Variants in ZNF827 observed in about 807,000 individuals in gnomAD.
The protein encoded by ZNF827 is zinc finger protein 827.
Under a neutral mutation model 102.4 loss-of-function variants are expected in ZNF827, and 13 were observed. The ratio of observed to expected loss-of-function variants is 0.13; its 90% confidence interval spans 0.08 to 0.20. ZNF827 has a LOEUF of 0.20. Among genes scored for constraint, ZNF827 ranks in the 10% least tolerant of loss-of-function variants. The pLI, the probability that ZNF827 is intolerant of heterozygous loss-of-function variation, is 1.00. For synonymous variants in ZNF827, 523 were observed against 536.2 expected, an observed-to-expected ratio of 0.98 and a Z score of 0.34; for missense variants, 1,103 against 1,344.4, an observed-to-expected ratio of 0.82 and a Z score of 2.81.
rs756223140 is a variant in ZNF827, at chr4:145,852,053, T to C, written c.1982-2492A>G. 2.6e-5 allele frequency among the ~76,000 whole-genome samples: 4 copies of C among 152,160 alleles called. No individual in the cohort carries two copies. In the East Asian group the frequency reaches 7.7e-4, roughly 29 times the overall value. The stretch of plus-strand genomic sequence containing the variant: ...TTTGGAAAATAAACAGTGGGGTCAG[T>C]GTCATAGGTACATAATGATGCGTCT... On this transcript the variant is annotated intron_variant, in intron 5 of 14. Transcript: ENST00000508784.
chr4:145,797,107 T>C (rs943223970), intron 8 of ZNF827, among the ~76,000 whole-genome samples: 7 of 152,220 alleles, frequency 4.6e-5, no homozygotes, highest in Non-Finnish European at 1.0e-4. Context: ...GTTAAGGTTT[T>C]ACAAAGAATT....
At chr4:145,819,872 A>G (rs1026845677) in intron 8 of ZNF827, 2 of 152,244 alleles carry the variant, frequency 1.3e-5, no homozygotes, top group Non-Finnish European at 2.9e-5. Flanking sequence ...AGTTCTCAGG[A>G]AAGTCAGTCT....
At chr4:145,873,113 T>G (rs951477697) in intron 4 of ZNF827, among the ~76,000 whole-genome samples, 1 of 151,610 alleles carries the variant, frequency 6.6e-6, no homozygotes, top group African/African-American at 2.4e-5. Context: ...GTTTTTGTAT[T>G]TTTAGTAGAG....
chr4:145,846,427 G>A (rs375128435), intron 6 of ZNF827, among the ~76,000 whole-genome samples: 5,298 of 151,140 alleles, frequency 0.035, 231 homozygotes, highest in East Asian at 0.15. Context: ...GCAGCGAGCC[G>A]AGATCGCGCC....
intron 7 of ZNF827, among the ~76,000 whole-genome samples, chr4:145,842,671 A>C (rs1478293248): frequency 1.3e-5 from 2 of 152,194 alleles, no homozygotes; most frequent in Non-Finnish European, 1.5e-5. Context: ...AGGAGATGGC[A>C]AGGAGTGGAG....
At chr4:145,850,974 T>A (rs997899755) in intron 5 of ZNF827, among the ~76,000 whole-genome samples, 1 of 152,060 alleles carries the variant, frequency 6.6e-6, no homozygotes, top group African/African-American at 2.4e-5. Context: ...GGGTCCCAAA[T>A]CCAATGACAA....
chr4:145,866,737 A>C (rs796656193), intron 5 of ZNF827, among the ~76,000 whole-genome samples: 7 of 152,354 alleles, frequency 4.6e-5, no homozygotes, highest in African/African-American at 1.7e-4. Context: ...AGGATCACCC[A>C]ACCATGCATG....
Position 145,761,131 on chromosome 4 carries a change from G to T in ZNF827, c.*485C>A, listed in dbSNP as rs1006112784. 1 of 1,289,526 alleles carries T rather than the reference G, an allele frequency of 7.8e-7. No individual in the cohort carries two copies. The highest frequency in any genetic ancestry group is 1.5e-5 in the African/African-American group (1 of 65,862). 79.9% of individuals were successfully genotyped at this position (1,289,526 alleles called of 1,614,324 possible). On this transcript the variant is annotated 3_prime_UTR_variant, in exon 15 of 15. Transcript: ENST00000508784. This position sits in a 1 kb window ranked among gnomAD's most constrained non-coding sequence, Gnocchi z 6.8. ...CCCGACCACCAGGAGCGGGGCCCCC[G>T]GGCCGGCCGGTTCCTTGGGGGCTGG...
chr4:145,854,276 T>C (rs17303543), intron 5 of ZNF827, among the ~76,000 whole-genome samples: 38,358 of 151,262 alleles, frequency 0.25, 5,120 homozygotes, highest in Non-Finnish European at 0.29. Flanking sequence ...GGCTTACAGG[T>C]GGGAAGGGAA....
At chr4:145,908,284 T>C (rs950624316) in intron 1 of ZNF827, among the ~76,000 whole-genome samples, 16 of 152,308 alleles carry the variant, frequency 1.1e-4, no homozygotes, top group Admixed American at 7.8e-4. Flanking sequence ...AGTCAGTCCA[T>C]ATGAGTCTAG....
At chr4:145,795,995 G>C (rs1740341777) in intron 8 of ZNF827, among the ~76,000 whole-genome samples, 1 of 152,192 alleles carries the variant, frequency 6.6e-6, no homozygotes. Context: ...TCTACAGTGA[G>C]ATAGAATGGC....
chr4:145,893,254 T>C (rs1457878433), intron 2 of ZNF827, among the ~76,000 whole-genome samples: 1 of 152,222 alleles, frequency 6.6e-6, no homozygotes, highest in Non-Finnish European at 1.5e-5. Context: ...TGTGACACTA[T>C]TGCTAAACTT....
intron 2 of ZNF827, among the ~76,000 whole-genome samples, chr4:145,900,502 C>T (rs1396306936): frequency 2.6e-5 from 4 of 151,984 alleles, no homozygotes; most frequent in Non-Finnish European, 4.4e-5. Context: ...CTCTGCCTCC[C>T]GGGTTCAAGC....
rs913577059 is a variant in ZNF827 at position 145,757,896 on chromosome 4, T to A, written c.*3720A>T. ...GCTGAGAACCCTAACTGCATTACTA[T>A]ATGGAAAAATAAGCTAGTTTTCATT... On this transcript the variant is annotated 3_prime_UTR_variant, in exon 15 of 15. Transcript: ENST00000508784. The A allele has an allele frequency of 6.6e-6, 1 of 152,142 alleles. No homozygotes were observed. The highest frequency in any genetic ancestry group is 1.5e-5 in the Non-Finnish European group (1 of 68,026). The allele number at this position is 152,142 out of a possible 1,614,324, so 9.4% of individuals were successfully genotyped here.
At chr4:145,817,223 TTC>T (rs1742674422) in intron 8 of ZNF827, among the ~76,000 whole-genome samples, 1 of 152,204 alleles carries the variant, frequency 6.6e-6, no homozygotes, top group South Asian at 2.1e-4. Context: ...ATGGTGACTT[TTC>T]CCTTTCCCAA....
intron 3 of ZNF827, 35 bp from the exon 4 acceptor site, chr4:145,886,193 G>T (rs376271777): frequency 6.5e-7 from 1 of 1,545,370 alleles, no homozygotes; most frequent in East Asian, 2.3e-5. Flanking sequence ...GCTAGCCACC[G>T]TGCATTTATG....
At chr4:145,829,947 C>T (rs539531774) in intron 7 of ZNF827, among the ~76,000 whole-genome samples, 25 of 152,170 alleles carry the variant, frequency 1.6e-4, no homozygotes, top group Non-Finnish European at 2.8e-4. Flanking sequence ...GAGTTACACA[C>T]GGCATTAACA....
intron 4 of ZNF827, among the ~76,000 whole-genome samples, chr4:145,880,021 G>C (rs1749529538): frequency 6.6e-6 from 1 of 152,160 alleles, no homozygotes; most frequent in Admixed American, 6.5e-5. Context: ...CAGATCACGA[G>C]GTCAGGAGTT....
intron 1 of ZNF827, among the ~76,000 whole-genome samples, chr4:145,934,251 ACTT>A (rs1220911750): frequency 1.3e-5 from 2 of 152,156 alleles, no homozygotes; most frequent in African/African-American, 4.8e-5. Context: ...TTAATACAGG[ACTT>A]CTTTTGATTT....
Sources: allele counts gnomAD v4.1 joint callset (sites outside exome capture counted in the v4.1 genomes callset), GRCh38; gene constraint gnomAD v4.1.1; non-coding constraint Gnocchi (gnomAD v3.1); transcripts MANE v1.5; gene names NCBI Gene and HGNC (gene_info 2026-07-23, HGNC 2026-07-21).